Variants in INSL6 observed in about 807,000 individuals in gnomAD.
INSL6 encodes insulin-like peptide INSL6.
Under a neutral mutation model 9.4 loss-of-function variants are expected in INSL6, and 16 were observed. The ratio of observed to expected loss-of-function variants is 1.70; its 90% CI spans 1.15 to 2.59. The LOEUF (loss-of-function observed/expected upper bound fraction) is 2.59, where lower values mean the gene tolerates loss of function less well. Ranked by LOEUF, INSL6 falls within the 30% of genes most tolerant of loss-of-function variation. The pLI is 0.00. For synonymous variants in INSL6, 154 were observed against 96.9 expected, an observed-to-expected ratio of 1.59 and a Z score of -3.46; for missense variants, 391 against 257.3, an observed-to-expected ratio of 1.52 and a Z score of -3.56.
the INSL6 span, among the ~76,000 whole-genome samples, chr9:5,008,123 G>A: frequency 6.6e-6 from 1 of 152,128 alleles, no homozygotes; most frequent in Non-Finnish European, 1.5e-5. Flanking sequence ...ATATTCTTCA[G>A]TGTTGCTATT....
At chr9:5,174,830 G>A (rs960463131) in intron 1 of INSL6, among the ~76,000 whole-genome samples, 14 of 151,974 alleles carry the variant, frequency 9.2e-5, no homozygotes, top group Non-Finnish European at 1.8e-4. Context: ...TACTGATACC[G>A]TCTTCCAAAC....
chr9:5,115,890 C>T, the INSL6 span, among the ~76,000 whole-genome samples: 1 of 152,066 alleles, frequency 6.6e-6, no homozygotes, highest in Non-Finnish European at 1.5e-5. Flanking sequence ...GGGAACATCA[C>T]ACACCAGGGC....
At chr9:5,122,497 CTCT>C (rs1329170660), downstream of INSL6, among the ~76,000 whole-genome samples, 1 of 152,056 alleles carries the variant, frequency 6.6e-6, no homozygotes, top group Non-Finnish European at 1.5e-5. Context: ...TTAGAAGGTA[CTCT>C]GCAGTTAACC....
At chr9:5,090,424 A>G in the INSL6 span, 2 of 1,499,466 alleles carry the variant, frequency 1.3e-6, no homozygotes, top group East Asian at 2.3e-5. Context: ...GTAAAACATT[A>G]TTTCCACCTT....
the INSL6 span, among the ~76,000 whole-genome samples, chr9:5,117,820 C>CGTCA: frequency 6.6e-6 from 1 of 152,090 alleles, no homozygotes; most frequent in African/African-American, 2.4e-5. Flanking sequence ...TTGAGAACTA[C>CGTCA]TGACAGAGGG....
chr9:5,124,617 A>C (rs973765954), intron 3 of INSL6, among the ~76,000 whole-genome samples: 2 of 151,932 alleles, frequency 1.3e-5, no homozygotes, highest in African/African-American at 4.8e-5. Flanking sequence ...CTAAGCAAAA[A>C]GAACAAAGCT....
the INSL6 span, chr9:5,108,492 T>A: frequency 6.6e-6 from 1 of 152,082 alleles, no homozygotes; most frequent in African/African-American, 2.4e-5. Context: ...AGCCTCCTTA[T>A]CCAATAATCT....
At chr9:5,054,821 T>C in the INSL6 span, 2 of 1,612,344 alleles carry the variant, frequency 1.2e-6, no homozygotes, top group Non-Finnish European at 1.7e-6. The surrounding 1 kb of genome is among the most constrained non-coding windows in gnomAD (Gnocchi z 4.9). Context: ...TTATAATAAC[T>C]GGAAACGGTG....
chr9:5,131,815 C>G (rs913121282), intron 3 of INSL6, among the ~76,000 whole-genome samples: 1 of 152,020 alleles, frequency 6.6e-6, no homozygotes, highest in African/African-American at 2.4e-5. Flanking sequence ...CACAGCTAAA[C>G]GACAATAATT....
At chr9:5,125,134 A>C (rs934843172) in intron 3 of INSL6, among the ~76,000 whole-genome samples, 1 of 151,326 alleles carries the variant, frequency 6.6e-6, no homozygotes, top group Non-Finnish European at 1.5e-5. Flanking sequence ...TCTCTAATGC[A>C]ATTACTCAGA....
the INSL6 span, among the ~76,000 whole-genome samples, chr9:5,101,622 G>A: frequency 1.3e-5 from 2 of 152,378 alleles, no homozygotes; most frequent in South Asian, 4.1e-4. Flanking sequence ...ACACCTCCCA[G>A]TAGAGGCCAA....
At chr9:5,068,187 AAAC>A in the INSL6 span, among the ~76,000 whole-genome samples, 1 of 151,976 alleles carries the variant, frequency 6.6e-6, no homozygotes, top group East Asian at 1.9e-4. Context: ...AAAAAAAAAA[AAAC>A]AAGAAAGGTT....
the INSL6 span, chr9:5,080,712 T>G: frequency 6.7e-7 from 1 of 1,481,788 alleles, no homozygotes; most frequent in Non-Finnish European, 9.0e-7. Context: ...TTATTGATTT[T>G]CCAGCTTTCT....
At chr9:5,066,589 G>T in the INSL6 span, 2 of 750,292 alleles carry the variant, frequency 2.7e-6, no homozygotes, top group African/African-American at 1.8e-5. Context: ...GACAGTTTTA[G>T]ATTTGACTTT....
At chr9:5,061,790 G>T in the INSL6 span, among the ~76,000 whole-genome samples, 2 of 152,252 alleles carry the variant, frequency 1.3e-5, no homozygotes, top group South Asian at 4.1e-4. Context: ...AGCTTTCAGC[G>T]TGTGTTGGCT....
chr9:5,076,748 A>G, the INSL6 span, among the ~76,000 whole-genome samples: 156 of 152,196 alleles, frequency 1.0e-3, no homozygotes, highest in Non-Finnish European at 7.6e-4. Flanking sequence ...TCCACTAGTA[A>G]TGCAGATTAA....
intron 3 of INSL6, among the ~76,000 whole-genome samples, chr9:5,133,003 C>A (rs1168784758): frequency 6.6e-6 from 1 of 152,058 alleles, no homozygotes; most frequent in African/African-American, 2.4e-5. Flanking sequence ...TATGTTGGAC[C>A]TGGGGTAGTG....
chr9:5,053,552 G>A, the INSL6 span, among the ~76,000 whole-genome samples: 428 of 152,084 alleles, frequency 2.8e-3, no homozygotes, highest in African/African-American at 1.0e-2. Flanking sequence ...TAGCAACATG[G>A]ATGTCTTTCT....
the INSL6 span, chr9:5,080,557 C>T: frequency 1.9e-6 from 3 of 1,594,938 alleles, no homozygotes; most frequent in Non-Finnish European, 2.6e-6. Flanking sequence ...TGAAGATAGG[C>T]ATCAGCTTCC....
Sources: gnomAD v4.1 joint callset for allele counts (sites outside exome capture counted in the v4.1 genomes callset) on GRCh38, gnomAD v4.1.1 for gene constraint, Gnocchi (gnomAD v3.1) non-coding constraint, MANE v1.5 for transcripts, NCBI Gene and HGNC (gene_info 2026-07-23, HGNC 2026-07-21) for gene names.